EPC2: variants seen among roughly 807,000 people sequenced by gnomAD.
EPC2 encodes the protein enhancer of polycomb 2.
In EPC2, 14 loss-of-function variants were observed where a neutral mutation model predicts 92.1. That is an observed-to-expected ratio of 0.15 (90% CI 0.10 to 0.24). The LOEUF (loss-of-function observed/expected upper bound fraction) is 0.24, where lower values mean the gene tolerates loss of function less well. Ranked by LOEUF, EPC2 falls within the 10% of genes least tolerant of loss-of-function variation. The probability of loss-of-function intolerance (pLI) is 1.00; values close to 1 mark genes in which losing one functional copy is unlikely to be tolerated. For synonymous variants in EPC2, 340 were observed against 334.7 expected, an observed-to-expected ratio of 1.02 and a Z score of -0.17; for missense variants, 755 against 971.5, an observed-to-expected ratio of 0.78 and a Z score of 2.96.
intron 3 of EPC2, among the ~76,000 whole-genome samples, chr2:148,747,543 C>A (rs1196209650): frequency 6.6e-6 from 1 of 151,986 alleles, no homozygotes; most frequent in Admixed American, 6.6e-5. Context: ...GTTAAATTTT[C>A]AGAAGTTTGG....
intron 1 of EPC2, among the ~76,000 whole-genome samples, chr2:148,677,805 C>T (rs896441015): frequency 2.6e-5 from 4 of 151,686 alleles, no homozygotes; most frequent in African/African-American, 7.3e-5. Context: ...CTTAAGGCGG[C>T]GCATCTGGAG....
At chr2:148,668,752 A>G (rs746150103) in intron 1 of EPC2, among the ~76,000 whole-genome samples, 1 of 152,024 alleles carries the variant, frequency 6.6e-6, no homozygotes, top group Non-Finnish European at 1.5e-5. Flanking sequence ...TGTTTGTGAT[A>G]TTGGTCATTT....
chr2:148,663,178 T>G (rs1680974404), intron 1 of EPC2, among the ~76,000 whole-genome samples: 1 of 146,938 alleles, frequency 6.8e-6, no homozygotes, highest in South Asian at 2.2e-4. Context: ...CCTCAAAAGG[T>G]ATCTACTGTG....
intron 10 of EPC2, among the ~76,000 whole-genome samples, chr2:148,775,775 C>CTTTTTTTTT: frequency 1.1e-5 from 1 of 92,290 alleles, no homozygotes; most frequent in East Asian, 3.5e-4. Flanking sequence ...AATTTCTTTT[C>CTTTTTTTTT]TTTTTTTTTT....
At chr2:148,762,981 CT>C (rs1683331376) in intron 6 of EPC2, among the ~76,000 whole-genome samples, 179 bp downstream of exon 6, 1 of 152,074 alleles carries the variant, frequency 6.6e-6, no homozygotes, top group African/African-American at 2.4e-5. Flanking sequence ...CCAATTAATC[CT>C]CATAACAACC....
chr2:148,697,443 A>C (rs1334362990), intron 2 of EPC2, among the ~76,000 whole-genome samples: 1 of 152,174 alleles, frequency 6.6e-6, no homozygotes, highest in African/African-American at 2.4e-5. Flanking sequence ...ATGGAAGAGC[A>C]CTATGAATGG....
chr2:148,707,397 T>C (rs2105381482), intron 2 of EPC2, among the ~76,000 whole-genome samples: 1 of 152,258 alleles, frequency 6.6e-6, no homozygotes, highest in African/African-American at 2.4e-5. Flanking sequence ...ACAATAATAA[T>C]GGGAGACTTT....
rs943129646 is a variant in EPC2 at position 148,765,063 on chromosome 2, A to G, written c.1057A>G (p.Thr353Ala). Reference sequence around the variant, plus strand: ...GGCTTTGATAACATCTCAGCAACCCACTCCTGAGACATTGCCTGTGATCAA... The same window carrying G: ...GGCTTTGATAACATCTCAGCAACCCGCTCCTGAGACATTGCCTGTGATCAA... ...AEALITSQQP[T>A]PETLPVINKS... The change falls in exon 7 of 14, where the codon ACT becomes GCT. Residue 353 changes from threonine (T) to alanine (A), a missense_variant. Thr to Ala is a moderately conservative substitution (Grantham distance 58). This residue lies in a region of EPC2 where 509 missense variants were observed against 607.7 expected (regional missense o/e 0.84). Transcript: ENST00000258484. The G allele has an allele frequency of 3.1e-6, 5 of 1,609,114 alleles. No homozygotes were observed. The highest frequency in any genetic ancestry group is 1.3e-5 in the African/African-American group (1 of 74,772).
At chr2:148,723,178 T>G (rs1039875891) in intron 2 of EPC2, among the ~76,000 whole-genome samples, 2 of 152,130 alleles carry the variant, frequency 1.3e-5, no homozygotes, top group Non-Finnish European at 2.9e-5. Flanking sequence ...AAAATAAAAG[T>G]TTAAGAAAAA....
At chr2:148,776,161 CCCA>C (rs1574637590) in intron 10 of EPC2, among the ~76,000 whole-genome samples, 1 of 151,968 alleles carries the variant, frequency 6.6e-6, no homozygotes, top group East Asian at 1.9e-4. Context: ...AGTTTCTCTT[CCCA>C]TTCATTCTTA....
At chr2:148,739,514 T>A (rs186892114) in intron 2 of EPC2, among the ~76,000 whole-genome samples, 266 of 152,360 alleles carry the variant, frequency 1.7e-3, no homozygotes, top group African/African-American at 6.1e-3. Flanking sequence ...AAGGTACTTT[T>A]AATTAGAAGT....
rs755475802 is a variant in EPC2, at chr2:148,644,990, C to T, written c.-28C>T. 2 of 1,539,134 alleles carry T rather than the reference C, an allele frequency of 1.3e-6. No homozygotes were observed. Among genetic ancestry groups the T allele is most frequent in the Admixed American group, 2.0e-5 (1 of 50,286 alleles). ...CCCCGCCCGCCCCGCCGCCGCCGCC[C>T]GGGCTGTTCCTGTAAGGCGGGGAGA... On this transcript the variant is annotated 5_prime_UTR_variant, in exon 1 of 14. Coordinates refer to ENST00000258484, the MANE Select transcript of EPC2 (RefSeq NM_015630.4).
intron 1 of EPC2, among the ~76,000 whole-genome samples, chr2:148,681,334 T>C (rs543579959): frequency 6.6e-6 from 1 of 152,200 alleles, no homozygotes; most frequent in South Asian, 2.1e-4. Flanking sequence ...AGGGTTTATT[T>C]AGGAGAAGTA....
chr2:148,758,161 T>C (rs1430388553), intron 4 of EPC2, among the ~76,000 whole-genome samples: 2 of 2,320 alleles, frequency 8.6e-4, no homozygotes, highest in East Asian at 9.4e-3. Flanking sequence ...CATACTGATG[T>C]GGGTGGGTGG....
chr2:148,785,841 A>G (rs891655166), intron 13 of EPC2, among the ~76,000 whole-genome samples: 3 of 152,234 alleles, frequency 2.0e-5, no homozygotes, highest in African/African-American at 4.8e-5. Flanking sequence ...AAGGAGAACA[A>G]TGAATCAGAA....
chr2:148,777,218 C>CAAGTTCT (rs879392177), intron 10 of EPC2, among the ~76,000 whole-genome samples: 410 of 152,154 alleles, frequency 2.7e-3, no homozygotes, highest in Non-Finnish European at 4.4e-3. Flanking sequence ...GTAACAAAGA[C>CAAGTTCT]TGACCTGGTA....
intron 2 of EPC2, among the ~76,000 whole-genome samples, chr2:148,728,056 C>T (rs538449078): frequency 6.6e-6 from 1 of 152,304 alleles, no homozygotes; most frequent in Admixed American, 6.5e-5. Context: ...GTGGCATGCT[C>T]ATGGCTCACT....
intron 2 of EPC2, among the ~76,000 whole-genome samples, chr2:148,704,033 C>T (rs1195748135): frequency 6.6e-6 from 1 of 152,124 alleles, no homozygotes; most frequent in Non-Finnish European, 1.5e-5. Flanking sequence ...CCATGTGGTC[C>T]AGCAATTCCA....
At chr2:148,697,340 A>G (rs547716207) in intron 2 of EPC2, among the ~76,000 whole-genome samples, 1 of 151,866 alleles carries the variant, frequency 6.6e-6, no homozygotes, top group Admixed American at 6.6e-5. Flanking sequence ...GATAAATTGC[A>G]GGGTAGAGGC....
Sources: gnomAD v4.1 joint callset for allele counts (sites outside exome capture counted in the v4.1 genomes callset) on GRCh38, gnomAD v4.1.1 for gene constraint, gnomAD v4.1.1 regional missense constraint, MANE v1.5 for transcripts, NCBI Gene and HGNC (gene_info 2026-07-23, HGNC 2026-07-21) for gene names.